The following LRMDA variants were observed in gnomAD, a reference collection of about 807,000 sequenced individuals.
LRMDA encodes the protein leucine-rich melanocyte differentiation-associated protein.
LRMDA carries 18 observed loss-of-function variants against 29.8 expected under a neutral mutation model. The observed-to-expected ratio is 0.60, with a 90% CI of 0.42 to 0.90. The LOEUF (loss-of-function observed/expected upper bound fraction) is 0.90, where lower values mean the gene tolerates loss of function less well. Ranked by LOEUF, LRMDA falls within the 40% of genes least tolerant of loss-of-function variation. The pLI, the probability that LRMDA is intolerant of heterozygous loss-of-function variation, is 0.00. For synonymous variants in LRMDA, 125 were observed against 109.4 expected (o/e 1.14, Z -0.89); for missense variants, 273 against 273.9 (o/e 1.00, Z 0.02).
At chr10:76,177,681 C>G (rs931859127) in intron 5 of LRMDA, among the ~76,000 whole-genome samples, 5 of 152,090 alleles carry the variant, frequency 3.3e-5, no homozygotes, top group Non-Finnish European at 5.9e-5. Context: ...AACCATTTTG[C>G]TCCTTTTGCA....
chr10:76,135,854 G>A (rs758202999), intron 5 of LRMDA, among the ~76,000 whole-genome samples: 1 of 151,662 alleles, frequency 6.6e-6, no homozygotes, highest in South Asian at 2.1e-4. Flanking sequence ...ATCTGCAAAG[G>A]CCCTATTTCC....
At chr10:75,692,219 AATAT>A (rs57600678) in intron 2 of LRMDA, among the ~76,000 whole-genome samples, 28,890 of 86,780 alleles carry the variant, frequency 0.33, 4,140 homozygotes, top group South Asian at 0.41. Flanking sequence ...AAAAAAAAAA[AATAT>A]ATATATATAT....
intron 2 of LRMDA, among the ~76,000 whole-genome samples, chr10:75,775,485 C>T (rs1287969284): frequency 6.6e-6 from 1 of 152,224 alleles, no homozygotes; most frequent in African/African-American, 2.4e-5. Context: ...TTGATTCTAA[C>T]AGTGTTGTAT....
At chr10:76,078,468 A>T (rs931070288) in intron 5 of LRMDA, among the ~76,000 whole-genome samples, 1 of 152,054 alleles carries the variant, frequency 6.6e-6, no homozygotes, top group African/African-American at 2.4e-5. Flanking sequence ...GTGATTTAGG[A>T]TATTTATCTA....
At chr10:76,123,532 C>G (rs1257240688) in intron 5 of LRMDA, among the ~76,000 whole-genome samples, 1 of 152,056 alleles carries the variant, frequency 6.6e-6, no homozygotes, top group Non-Finnish European at 1.5e-5. Flanking sequence ...AAAAACAAAA[C>G]AAGTCAATAT....
intron 5 of LRMDA, among the ~76,000 whole-genome samples, chr10:76,126,584 A>G (rs1004921886): frequency 2.0e-5 from 3 of 152,064 alleles, no homozygotes; most frequent in East Asian, 3.9e-4. Context: ...TCTCCTCTCT[A>G]CATCTGGGCT....
intron 6 of LRMDA, among the ~76,000 whole-genome samples, chr10:76,461,178 T>C (rs1842508309): frequency 6.6e-6 from 1 of 152,154 alleles, no homozygotes; most frequent in African/African-American, 2.4e-5. Flanking sequence ...GCTCTTGGGT[T>C]ATGGGAAGTA....
rs1437165258 is a variant in LRMDA at position 75,559,847 on chromosome 10, GT to G, written c.131+121354del. Among the ~76,000 whole-genome samples, 596 of 83,460 alleles carry G rather than the reference GT, an allele frequency of 7.1e-3. 229 individuals are homozygous for G. The highest frequency in any genetic ancestry group is 0.013 in the Non-Finnish European group (387 of 30,346). The allele number at this position is 83,460 out of a possible 152,430, so 54.8% of individuals were successfully genotyped here. A position where few individuals can be genotyped will look rare whatever the true frequency, so the allele number is the denominator to read the frequency against. On this transcript the variant is annotated intron_variant, in intron 2 of 6. Transcript: ENST00000611255. ...TGTCAAAGATCACATGGTTGTAGTT[GT>G]GTGGTGTTATTTCTGAGGCCACTGT...
intron 6 of LRMDA, among the ~76,000 whole-genome samples, chr10:76,368,785 G>A (rs1841421399): frequency 6.6e-6 from 1 of 152,170 alleles, no homozygotes; most frequent in African/African-American, 2.4e-5. Flanking sequence ...GGGAGCTCCA[G>A]TGTTAGGTGC....
chr10:75,952,030 C>T (rs1846584166), intron 2 of LRMDA, among the ~76,000 whole-genome samples: 1 of 152,152 alleles, frequency 6.6e-6, no homozygotes, highest in African/African-American at 2.4e-5. Context: ...TAAATAGCTC[C>T]TGGGAAGAGG....
chr10:76,263,290 A>T (rs1235272291), intron 5 of LRMDA, among the ~76,000 whole-genome samples: 1 of 151,992 alleles, frequency 6.6e-6, no homozygotes, highest in Non-Finnish European at 1.5e-5. Context: ...TTAAAAAAAG[A>T]TCATCTGTTT....
chr10:75,636,010 C>T (rs553911921), intron 2 of LRMDA, among the ~76,000 whole-genome samples: 76 of 152,216 alleles, frequency 5.0e-4, no homozygotes, highest in Non-Finnish European at 9.4e-4. Context: ...GTCCATAGGA[C>T]GTAAGATTTT....
intron 5 of LRMDA, among the ~76,000 whole-genome samples, chr10:76,116,712 T>C (rs1271290987): frequency 6.6e-6 from 1 of 152,188 alleles, no homozygotes; most frequent in Non-Finnish European, 1.5e-5. Context: ...GAGAGGAGAC[T>C]ATGCTCTCAA....
chr10:75,729,492 T>G (rs1156435932), intron 2 of LRMDA, among the ~76,000 whole-genome samples: 5 of 152,176 alleles, frequency 3.3e-5, no homozygotes, highest in Admixed American at 2.6e-4. Flanking sequence ...GGGAACTCTT[T>G]AAGCTAGTAG....
intron 2 of LRMDA, among the ~76,000 whole-genome samples, chr10:75,933,337 C>T (rs1456323844): frequency 6.6e-6 from 1 of 152,132 alleles, no homozygotes; most frequent in Admixed American, 6.5e-5. Flanking sequence ...TGATTCATTA[C>T]TAATGGAGAA....
At chr10:76,447,742 C>T in intron 6 of LRMDA, among the ~76,000 whole-genome samples, 1 of 152,164 alleles carries the variant, frequency 6.6e-6, no homozygotes, top group East Asian at 1.9e-4. Context: ...GTTGGAGACC[C>T]TACGAGTTTT....
chr10:75,443,649 A>G (rs1844356413), intron 2 of LRMDA, among the ~76,000 whole-genome samples: 1 of 152,124 alleles, frequency 6.6e-6, no homozygotes, highest in South Asian at 2.1e-4. Flanking sequence ...CATCAGGGAT[A>G]TTGGCTTGCA....
intron 6 of LRMDA, among the ~76,000 whole-genome samples, chr10:76,487,869 ATAT>A (rs1275743321): frequency 6.6e-6 from 1 of 151,886 alleles, no homozygotes; most frequent in Non-Finnish European, 1.5e-5. Flanking sequence ...TATACAATTA[ATAT>A]TACCAAATTT....
intron 2 of LRMDA, among the ~76,000 whole-genome samples, chr10:75,790,598 C>T (rs1478045498): frequency 6.6e-6 from 1 of 152,196 alleles, no homozygotes; most frequent in Non-Finnish European, 1.5e-5. Context: ...TATGCTGCTC[C>T]TCTTCTTGGT....
Sources: allele counts gnomAD v4.1 joint callset (sites outside exome capture counted in the v4.1 genomes callset), GRCh38; gene constraint gnomAD v4.1.1; transcripts MANE v1.5; gene names NCBI Gene and HGNC (gene_info 2026-07-23, HGNC 2026-07-21).